SCD5: variants seen among roughly 807,000 people sequenced by gnomAD.
SCD5 encodes the protein stearoyl-CoA desaturase 5, also known as acyl-CoA-desaturase 4.
Under a neutral mutation model 30.4 loss-of-function variants are expected in SCD5, and 20 were observed. That is an observed-to-expected ratio of 0.66 (90% CI 0.46 to 0.96). SCD5 has a LOEUF of 0.96. Among genes scored for constraint, SCD5 ranks in the 40% least tolerant of loss-of-function variants. The pLI is 0.00. For synonymous variants in SCD5, 173 were observed against 176.4 expected, an observed-to-expected ratio of 0.98 and a Z score of 0.16; for missense variants, 381 against 443.3, an observed-to-expected ratio of 0.86 and a Z score of 1.26.
Position 82,798,659 on chromosome 4 carries a change from C to T in SCD5, c.-122G>A. On this transcript the variant is annotated 5_prime_UTR_variant, in exon 1 of 5. Coordinates refer to ENST00000319540, the MANE Select transcript of SCD5 (RefSeq NM_001037582.3). ...GGGGAATTCTCCGCACGTCCAGTCC[C>T]CTCCTTCCAGCCCTTCTCCCGGGCT... is the stretch of plus-strand genomic sequence containing the variant. 8.5e-6 allele frequency: 7 copies of T among 823,540 alleles called. No individual in the cohort carries two copies. The highest frequency in any genetic ancestry group is 3.7e-5 in the South Asian group (2 of 53,912). The allele number at this position is 823,540 out of a possible 1,614,324, so 51.0% of individuals were successfully genotyped here. A position where few individuals can be genotyped will look rare whatever the true frequency, so the allele number is the denominator to read the frequency against.
chr4:82,641,690 G>A (rs933770194), intron 3 of SCD5, among the ~76,000 whole-genome samples: 12 of 152,230 alleles, frequency 7.9e-5, no homozygotes, highest in Admixed American at 6.5e-4. Context: ...AGGAATAATG[G>A]GGGATCAAGT....
At chr4:82,679,272 G>GAAAGAA (rs1728513618) in intron 3 of SCD5, among the ~76,000 whole-genome samples, 1 of 115,262 alleles carries the variant, frequency 8.7e-6, no homozygotes, top group African/African-American at 3.2e-5. Flanking sequence ...AGGAAGGAAA[G>GAAAGAA]AAAGAAAGAA....
rs535860943 is a variant in SCD5, at chr4:82,758,899, G to A, written c.232+39407C>T. On this transcript the variant is annotated intron_variant, in intron 1 of 4. Transcript: ENST00000319540. ...ACAGCAGCAGAGGCGCCTCCCCCGCGAAACAACAAGCACATCCCCTACAAT... is the reference window on the plus strand; with the variant it reads ...ACAGCAGCAGAGGCGCCTCCCCCGCAAAACAACAAGCACATCCCCTACAAT... Among the ~76,000 whole-genome samples the A allele has an allele frequency of 9.2e-5, 14 of 152,256 alleles. No individual in the cohort carries two copies. The South Asian group carries it at 1.7e-3, about 18-fold the overall frequency.
chr4:82,646,257 G>A (rs1193274505), intron 3 of SCD5, among the ~76,000 whole-genome samples: 1 of 152,194 alleles, frequency 6.6e-6, no homozygotes, highest in Admixed American at 6.5e-5. Context: ...AGGGGACAAG[G>A]AAAAATCATG....
At chr4:82,796,269 CAAAA>C (rs34612984) in intron 1 of SCD5, among the ~76,000 whole-genome samples, 1 of 105,460 alleles carries the variant, frequency 9.5e-6, no homozygotes, top group African/African-American at 3.4e-5. Flanking sequence ...GACTCTGTCT[CAAAA>C]AAAAAAAAAA....
chr4:82,712,265 TA>T lies in SCD5; in HGVS notation c.233-6853del, dbSNP rs1720112986. 6.7e-5 allele frequency among the ~76,000 whole-genome samples: 3 copies of T among 44,670 alleles called. 1 individual carries two copies. The highest frequency in any genetic ancestry group is 2.9e-4 in the African/African-American group (2 of 6,798). The allele number at this position is 44,670 out of a possible 152,430, so 29.3% of individuals were successfully genotyped here. On this transcript the variant is annotated intron_variant, in intron 1 of 4. Coordinates refer to ENST00000319540, the MANE Select transcript of SCD5 (RefSeq NM_001037582.3). ...TAACATATATATATATATATATATA[TA>T]TATATATATATATATATATATATAT... is the stretch of plus-strand genomic sequence containing the variant.
chr4:82,763,141 C>T (rs1721415106), intron 1 of SCD5, among the ~76,000 whole-genome samples: 1 of 152,184 alleles, frequency 6.6e-6, no homozygotes, highest in African/African-American at 2.4e-5. Flanking sequence ...CGTGTTCCCA[C>T]CCAACTCATA....
chr4:82,636,911 G>A (rs1727445276), intron 3 of SCD5, 88 bp from the exon 4 acceptor site: 5 of 1,144,574 alleles, frequency 4.4e-6, no homozygotes, highest in Non-Finnish European at 6.2e-6. Context: ...TCAGAAAAAA[G>A]CCCAGGGAGA....
chr4:82,666,080 A>T (rs934062391), intron 3 of SCD5, among the ~76,000 whole-genome samples: 18 of 151,512 alleles, frequency 1.2e-4, no homozygotes, highest in African/African-American at 4.4e-4. Context: ...GGGTTATAGA[A>T]ATTTTATAAG....
chr4:82,702,860 T>C (rs1380421174), intron 2 of SCD5, among the ~76,000 whole-genome samples: 1 of 152,248 alleles, frequency 6.6e-6, no homozygotes, highest in African/African-American at 2.4e-5. Flanking sequence ...GGTTAAGTGG[T>C]TTAAATAAAT....
intron 1 of SCD5, among the ~76,000 whole-genome samples, chr4:82,714,748 T>C (rs959213293): frequency 2.0e-5 from 3 of 152,184 alleles, no homozygotes; most frequent in African/African-American, 7.2e-5. Flanking sequence ...AAGGAAATGC[T>C]CATTGGAGCA....
intron 1 of SCD5, among the ~76,000 whole-genome samples, chr4:82,736,153 T>C (rs1318453112): frequency 6.6e-6 from 1 of 151,752 alleles, no homozygotes; most frequent in African/African-American, 2.4e-5. Context: ...CAGGGTGTGG[T>C]GGCATGTGCC....
intron 3 of SCD5, among the ~76,000 whole-genome samples, chr4:82,672,808 A>G (rs1388280980): frequency 1.3e-5 from 2 of 152,140 alleles, no homozygotes; most frequent in East Asian, 3.8e-4. Flanking sequence ...AAATGTTAGT[A>G]AATTAAATCC....
intron 3 of SCD5, among the ~76,000 whole-genome samples, chr4:82,669,245 T>C (rs1409459555): frequency 6.6e-6 from 1 of 151,160 alleles, no homozygotes; most frequent in Non-Finnish European, 1.5e-5. Context: ...CCTGGATAGA[T>C]ATGTGATGCT....
chr4:82,726,212 A>G (rs1271814569), intron 1 of SCD5, among the ~76,000 whole-genome samples: 2 of 152,158 alleles, frequency 1.3e-5, no homozygotes, highest in Non-Finnish European at 2.9e-5. Flanking sequence ...TGAGGTCAGG[A>G]GTTCGAGACA....
At chr4:82,692,769 A>C (rs1346657536) in intron 2 of SCD5, among the ~76,000 whole-genome samples, 1 of 152,214 alleles carries the variant, frequency 6.6e-6, no homozygotes, top group Non-Finnish European at 1.5e-5. Flanking sequence ...AGATGTGTTC[A>C]TAAACACACC....
chr4:82,637,210 G>A (rs1246293479), intron 3 of SCD5, among the ~76,000 whole-genome samples: 1 of 152,112 alleles, frequency 6.6e-6, no homozygotes, highest in Non-Finnish European at 1.5e-5. Flanking sequence ...TGATATTCAG[G>A]TTTTCTCAAA....
chr4:82,788,169 T>G (rs992175293), intron 1 of SCD5, among the ~76,000 whole-genome samples: 1 of 152,202 alleles, frequency 6.6e-6, no homozygotes, highest in African/African-American at 2.4e-5. Context: ...CAGACGCCAA[T>G]CTACCGATGC....
intron 1 of SCD5, among the ~76,000 whole-genome samples, chr4:82,725,253 G>C (rs1720445900): frequency 6.6e-6 from 1 of 152,116 alleles, no homozygotes; most frequent in African/African-American, 2.4e-5. Flanking sequence ...CTTTCCTAAG[G>C]GCTAATGGGG....
Sources: allele counts gnomAD v4.1 joint callset (sites outside exome capture counted in the v4.1 genomes callset), GRCh38; gene constraint gnomAD v4.1.1; transcripts MANE v1.5; gene names NCBI Gene and HGNC (gene_info 2026-07-23, HGNC 2026-07-21).